The following SETD2 variants were observed in gnomAD, a reference collection of about 807,000 sequenced individuals.
The protein encoded by SETD2 is histone-lysine N-methyltransferase SETD2.
SETD2 carries 31 observed loss-of-function variants against 242.1 expected under a neutral mutation model. That is an observed-to-expected ratio of 0.13 (90% CI 0.10 to 0.17). The LOEUF (loss-of-function observed/expected upper bound fraction) is 0.17, where lower values mean the gene tolerates loss of function less well. Among genes scored for constraint, SETD2 ranks in the 10% least tolerant of loss-of-function variants. The pLI is 1.00. For synonymous variants in SETD2, 1,006 were observed against 1,066.5 expected, an observed-to-expected ratio of 0.94 and a Z score of 1.11; for missense variants, 2,481 against 3,046.3, an observed-to-expected ratio of 0.81 and a Z score of 4.37.
intron 1 of SETD2, among the ~76,000 whole-genome samples, chr3:47,150,031 T>TTTTTTTC (rs2043947923): frequency 1.6e-5 from 2 of 128,292 alleles, no homozygotes; most frequent in African/African-American, 3.0e-5. Context: ...AAAAATACTT[T>TTTTTTTC]TTTTTTTTTT....
At chr3:47,083,392 AT>A (rs552346720) in intron 12 of SETD2, among the ~76,000 whole-genome samples, 1 of 152,114 alleles carries the variant, frequency 6.6e-6, no homozygotes. Flanking sequence ...TTAAACACTA[AT>A]TTTTTCTCAT....
At position 47,123,593 on chromosome 3, in the gene SETD2, T is replaced by C. The variant is rs1024103793; in HGVS notation, c.1043A>G (p.Glu348Gly). The C allele has an allele frequency of 6.5e-6, 10 of 1,550,284 alleles. No individual in the cohort carries two copies. Among genetic ancestry groups the C allele is most frequent in the African/African-American group, 2.7e-5 (2 of 72,912 alleles). Residue 348 changes from glutamate (E) to glycine (G), a missense_variant, in exon 3 of 21, where the codon GAA (glutamate) becomes GGA (glycine). Glu to Gly is a moderately conservative substitution (Grantham distance 98). Around this residue, in one of 17 missense-constraint regions of SETD2, gnomAD observed 38 missense variants for 61.0 expected, o/e 0.62. Transcript: ENST00000409792. ...TGCTGAGCTCTTTTTAAAATCTCTT[T>C]CCTTTTCAATGCTTGCTGAAAATTT... ...DLKFSASIEK[E>G]RDFKKSSAPL...
intron 12 of SETD2, chr3:47,080,901 C>T: frequency 1.0e-6 from 1 of 986,988 alleles, no homozygotes; most frequent in South Asian, 4.7e-5. Flanking sequence ...TTAACCACCT[C>T]TGTCCTCTTT....
At chr3:47,128,412 T>C (rs941367916) in intron 1 of SETD2, among the ~76,000 whole-genome samples, 1 of 152,230 alleles carries the variant, frequency 6.6e-6, no homozygotes, top group Non-Finnish European at 1.5e-5. Flanking sequence ...GCGAGATTTG[T>C]ATTTTCAGCT....
rs1282058807 is a variant in SETD2 at position 47,046,353 on chromosome 3, A to AAAT, written c.7098+133_7098+134insATT. ...CTCTGTCTCAAAAAAAAAATAAAAT[A>AAAT]AAATAAAATAAAACAAAGAACACGT... On this transcript the variant is annotated intron_variant, in intron 16 of 20. Coordinates refer to ENST00000409792, the MANE Select transcript of SETD2 (RefSeq NM_014159.7). 8.7e-4 allele frequency: 631 copies of AAAT among 722,182 alleles called. 3 individuals are homozygous for AAAT. The African/African-American group carries it at 0.01, about 12-fold the overall frequency. 44.7% of individuals were successfully genotyped at this position (722,182 alleles called of 1,614,324 possible).
chr3:47,144,928 G>C (rs912943092), intron 1 of SETD2, among the ~76,000 whole-genome samples: 4 of 152,164 alleles, frequency 2.6e-5, no homozygotes, highest in Admixed American at 6.5e-5. Context: ...TCCAGCCTGG[G>C]CGACAAGTGA....
intron 17 of SETD2, among the ~76,000 whole-genome samples, chr3:47,039,636 C>T (rs2039181799): frequency 6.7e-6 from 1 of 148,268 alleles, no homozygotes; most frequent in South Asian, 2.1e-4. Flanking sequence ...GAGGCCGAGG[C>T]AGGTGGATCA....
chr3:47,020,795 T>C (rs1276596220), intron 18 of SETD2, among the ~76,000 whole-genome samples: 1 of 152,194 alleles, frequency 6.6e-6, no homozygotes, highest in East Asian at 1.9e-4. Context: ...AGAATAATTT[T>C]CCTGCTCCCC....
intron 1 of SETD2, among the ~76,000 whole-genome samples, chr3:47,159,946 G>A (rs1258632074): frequency 6.6e-6 from 1 of 151,150 alleles, no homozygotes; most frequent in African/African-American, 2.4e-5. Flanking sequence ...CTGCACTCCA[G>A]CCTGGGGGAC....
chr3:47,120,567 G>A lies in SETD2; in HGVS notation c.4069C>T (p.Leu1357Phe). 1 of 1,614,006 alleles carries A rather than the reference G, an allele frequency of 6.2e-7. No individual in the cohort carries two copies. The highest frequency in any genetic ancestry group is 2.2e-5 in the East Asian group (1 of 44,894). ...SHFSDQSDKFLLSLQKDKGSV... is the reference protein window; with the variant it reads ...SHFSDQSDKFFLSLQKDKGSV... The stretch of plus-strand genomic sequence containing the variant: ...CCCTTGTCTTTCTGAAGGGATAGAA[G>A]AAATTTATCGGACTGGTCTGAAAAA... Residue 1357 changes from leucine to phenylalanine, a missense_variant, in exon 3 of 21, where the codon CTT becomes TTT. Transcript: ENST00000409792.
At chr3:47,071,200 G>A (rs1359146457) in intron 12 of SETD2, among the ~76,000 whole-genome samples, 2 of 152,260 alleles carry the variant, frequency 1.3e-5, no homozygotes, top group East Asian at 3.9e-4. Flanking sequence ...AAAAGAATCT[G>A]CTTCCACACT....
At chr3:47,117,261 C>CAAAAAAAAA (rs5848820) in intron 3 of SETD2, among the ~76,000 whole-genome samples, 2 of 66,474 alleles carry the variant, frequency 3.0e-5, no homozygotes, top group African/African-American at 1.4e-4. Flanking sequence ...CCTGCATTAC[C>CAAAAAAAAA]AAAAAAAAAA....
chr3:47,039,840 G>A (rs1195964493), intron 17 of SETD2, among the ~76,000 whole-genome samples: 5 of 142,344 alleles, frequency 3.5e-5, no homozygotes, highest in African/African-American at 7.8e-5. Context: ...CCGAGATCAC[G>A]CCACTGCACT....
In SETD2 at chr3:47,086,328, A is replaced by T; in HGVS notation, c.5278-14T>A. ...TGAGTGTGTGTTCTTTCATGGGGGA[A>T]GGGAGACACGATGCAGAGCATTGGG... On this transcript the variant is annotated splice_polypyrimidine_tract_variant and intron_variant, in intron 10 of 20. Transcript: ENST00000409792. The T allele has an allele frequency of 3.1e-6, 5 of 1,609,824 alleles. No individual in the cohort carries two copies. The highest frequency in any genetic ancestry group is 4.2e-6 in the Non-Finnish European group (5 of 1,177,130).
At chr3:47,142,979 C>T (rs2043767909) in intron 1 of SETD2, among the ~76,000 whole-genome samples, 3 of 151,856 alleles carry the variant, frequency 2.0e-5, no homozygotes, top group Admixed American at 2.0e-4. Flanking sequence ...TCATTGGCTT[C>T]TTATTTTCAA....
At chr3:47,037,860 A>G (rs765204170) in intron 17 of SETD2, 83 bp from the exon 18 acceptor site, 53 of 930,000 alleles carry the variant, frequency 5.7e-5, no homozygotes, top group Admixed American at 1.3e-4. Context: ...ATACATACAT[A>G]AAATACAACA....
chr3:47,151,457 C>T (rs561089887), intron 1 of SETD2, among the ~76,000 whole-genome samples: 74 of 152,222 alleles, frequency 4.9e-4, no homozygotes, highest in African/African-American at 1.7e-3. Flanking sequence ...AGCACACATA[C>T]GCACAACTGG....
chr3:47,116,285 T>C lies in SETD2; in HGVS notation c.4586+338A>G, dbSNP rs558522072. On this transcript the variant is annotated intron_variant, in intron 4 of 20. Coordinates refer to ENST00000409792, the MANE Select transcript of SETD2 (RefSeq NM_014159.7). ...GCATTTCTGAAATGTTAGGGTTTTA[T>C]TTCACTTTATAGTGAAAGCTAAAAA... 3.3e-5 allele frequency among the ~76,000 whole-genome samples: 5 copies of C among 152,316 alleles called. No homozygotes were observed. The South Asian group carries it at 8.3e-4, about 25-fold the overall frequency.
At chr3:47,048,104 T>G (rs1253482058) in intron 15 of SETD2, among the ~76,000 whole-genome samples, 1 of 152,084 alleles carries the variant, frequency 6.6e-6, no homozygotes, top group African/African-American at 2.4e-5. Context: ...TAAAAATTTT[T>G]TAGGCCGGGG....
Sources: allele counts gnomAD v4.1 joint callset (sites outside exome capture counted in the v4.1 genomes callset), GRCh38; gene constraint gnomAD v4.1.1; regional missense constraint gnomAD v4.1.1; transcripts MANE v1.5; gene names NCBI Gene and HGNC (gene_info 2026-07-23, HGNC 2026-07-21).